SRBD1: variants seen among roughly 807,000 people sequenced by gnomAD.
The protein encoded by SRBD1 is S1 RNA-binding domain-containing protein 1.
SRBD1 carries 88 observed loss-of-function variants against 115.3 expected under a neutral mutation model. That is an observed-to-expected ratio of 0.76 (90% CI 0.64 to 0.91). The LOEUF (loss-of-function observed/expected upper bound fraction) is 0.91, where lower values mean the gene tolerates loss of function less well. Ranked by LOEUF, SRBD1 falls within the 40% of genes least tolerant of loss-of-function variation. The probability of loss-of-function intolerance (pLI) is 0.00; values close to 1 mark genes in which losing one functional copy is unlikely to be tolerated. For synonymous variants in SRBD1, 509 were observed against 407.7 expected (o/e 1.25, Z -2.99); for missense variants, 1,385 against 1,177.4 (o/e 1.18, Z -2.58).
chr2:45,519,172 C>A (rs1027060634), intron 14 of SRBD1, among the ~76,000 whole-genome samples: 4 of 151,964 alleles, frequency 2.6e-5, no homozygotes, highest in African/African-American at 9.7e-5. Context: ...AAGGAGGGCA[C>A]TAAAAAAGAA....
chr2:45,537,704 C>T (rs1671807733), intron 14 of SRBD1, among the ~76,000 whole-genome samples: 1 of 152,140 alleles, frequency 6.6e-6, no homozygotes, highest in Non-Finnish European at 1.5e-5. Flanking sequence ...ATTTTTCCTG[C>T]TCTCTCAACA....
chr2:45,599,366 T>C, intron 4 of SRBD1, 83 bp downstream of exon 4: 1 of 1,493,724 alleles, frequency 6.7e-7, no homozygotes, highest in Non-Finnish European at 8.9e-7. Context: ...CCCCCAGCCC[T>C]TCCCTTAGAC....
At chr2:45,475,153 T>G (rs972523059) in intron 16 of SRBD1, among the ~76,000 whole-genome samples, 4 of 152,184 alleles carry the variant, frequency 2.6e-5, no homozygotes, top group Non-Finnish European at 5.9e-5. Flanking sequence ...CCACCAAACC[T>G]GCTCTACTCA....
chr2:45,489,865 T>C (rs987652669), intron 14 of SRBD1, among the ~76,000 whole-genome samples: 1 of 152,134 alleles, frequency 6.6e-6, no homozygotes, highest in Non-Finnish European at 1.5e-5. Context: ...ACTCATATTT[T>C]TGTGCCAAAC....
At chr2:45,549,992 A>C (rs1044445317) in intron 12 of SRBD1, among the ~76,000 whole-genome samples, 1 of 152,158 alleles carries the variant, frequency 6.6e-6, no homozygotes, top group East Asian at 1.9e-4. Context: ...TCTAAACTTA[A>C]AAAATTAAAA....
intron 19 of SRBD1, among the ~76,000 whole-genome samples, chr2:45,393,886 C>T (rs1444644342): frequency 2.0e-5 from 3 of 152,134 alleles, no homozygotes; most frequent in Non-Finnish European, 4.4e-5. Flanking sequence ...TTCATGTGTC[C>T]TATCACTGCT....
chr2:45,566,649 T>C (rs1349434171), intron 9 of SRBD1, among the ~76,000 whole-genome samples: 1 of 152,170 alleles, frequency 6.6e-6, no homozygotes, highest in Non-Finnish European at 1.5e-5. Flanking sequence ...GTTCTAATGG[T>C]TGCATTAAAT....
At chr2:45,481,601 A>G (rs1025463577) in intron 15 of SRBD1, among the ~76,000 whole-genome samples, 7 of 152,126 alleles carry the variant, frequency 4.6e-5, no homozygotes, top group Non-Finnish European at 8.8e-5. Flanking sequence ...ATGTGCCCCA[A>G]TTTTTATTCT....
At chr2:45,602,188 TA>T in intron 2 of SRBD1, 105 bp from the exon 3 acceptor site, 1 of 1,304,450 alleles carries the variant, frequency 7.7e-7, no homozygotes, top group Non-Finnish European at 1.0e-6. Flanking sequence ...AGGAGGTGTT[TA>T]ATATAAAATG....
intron 14 of SRBD1, among the ~76,000 whole-genome samples, chr2:45,541,953 A>T (rs1032715640): frequency 6.6e-6 from 1 of 152,224 alleles, no homozygotes; most frequent in Non-Finnish European, 1.5e-5. Flanking sequence ...CTCCACCCAG[A>T]ACTGGCAACC....
chr2:45,450,856 G>A (rs1668970797), intron 16 of SRBD1, among the ~76,000 whole-genome samples: 1 of 152,066 alleles, frequency 6.6e-6, no homozygotes, highest in Admixed American at 6.5e-5. Context: ...AATTCTACAA[G>A]TTAACAGCTT....
chr2:45,415,885 T>A (rs887498479), intron 18 of SRBD1, among the ~76,000 whole-genome samples: 1 of 150,558 alleles, frequency 6.6e-6, no homozygotes, highest in Admixed American at 6.7e-5. Context: ...AGAGAAAGAT[T>A]GGGAAGGATC....
chr2:45,417,483 A>T (rs917098028), intron 18 of SRBD1, among the ~76,000 whole-genome samples: 1 of 152,196 alleles, frequency 6.6e-6, no homozygotes, highest in South Asian at 2.1e-4. Context: ...CCACAGCTTT[A>T]TAATGTATTC....
chr2:45,573,353 A>G lies in SRBD1; in HGVS notation c.1170-11T>C, dbSNP rs200901809. On this transcript the variant is annotated splice_polypyrimidine_tract_variant and intron_variant, in intron 8 of 20. Coordinates refer to ENST00000263736, the MANE Select transcript of SRBD1 (RefSeq NM_018079.5). Reference sequence around the variant, plus strand: ...TGTCTCTTCTGGCACCTGTTCAGATACACAAGTGTTCAAAAAACAAGCAGT... The same window carrying G: ...TGTCTCTTCTGGCACCTGTTCAGATGCACAAGTGTTCAAAAAACAAGCAGT... 2 of 1,597,614 alleles carry G rather than the reference A, an allele frequency of 1.3e-6. No homozygotes were observed. The highest frequency in any genetic ancestry group is 2.7e-5 in the African/African-American group (2 of 74,036).
Position 45,531,538 on chromosome 2 carries a change from C to T in SRBD1, c.1874+15194G>A, listed in dbSNP as rs184932566. ...TTCCACTATTCAGATTAAGAAAGTT[C>T]TACAGTAAAGACGATAGGAATAGAT... On this transcript the variant is annotated intron_variant, in intron 14 of 20. Transcript: ENST00000263736. Among the ~76,000 whole-genome samples, 8 of 148,774 alleles carry T rather than the reference C, an allele frequency of 5.4e-5. No homozygotes were observed. The East Asian group carries it at 1.5e-3, about 29-fold the overall frequency.
chr2:45,445,418 G>T (rs1006186233), intron 16 of SRBD1, among the ~76,000 whole-genome samples: 2 of 151,284 alleles, frequency 1.3e-5, no homozygotes, highest in East Asian at 1.9e-4. Flanking sequence ...ATCTTGGGGG[G>T]AGTCACATGG....
chr2:45,546,280 A>G, intron 14 of SRBD1: 1 of 985,450 alleles, frequency 1.0e-6, no homozygotes, highest in Non-Finnish European at 1.2e-6. Context: ...AAATGAGGAA[A>G]GAATACTGGA....
At chr2:45,422,868 T>C (rs1668047774) in intron 16 of SRBD1, among the ~76,000 whole-genome samples, 1 of 152,166 alleles carries the variant, frequency 6.6e-6, no homozygotes, top group Admixed American at 6.5e-5. Context: ...TGATTTAGTA[T>C]AAGCAGTCCT....
chr2:45,578,216 G>C lies in SRBD1; in HGVS notation c.1072+1659C>G, dbSNP rs142565135. Among the ~76,000 whole-genome samples, 944 of 152,280 alleles carry C rather than the reference G, an allele frequency of 6.2e-3. 8 individuals are homozygous for C. The highest frequency in any genetic ancestry group is 0.019 in the African/African-American group (809 of 41,558). ...CCTTTGTGCATCTAACATTCTGAAAGTTTCAACATTCCATTTTAATAAAAC... is the reference window on the plus strand; with the variant it reads ...CCTTTGTGCATCTAACATTCTGAAACTTTCAACATTCCATTTTAATAAAAC... On this transcript the variant is annotated intron_variant, in intron 7 of 20. Transcript: ENST00000263736.
Sources: gnomAD v4.1 joint callset for allele counts (sites outside exome capture counted in the v4.1 genomes callset) on GRCh38, gnomAD v4.1.1 for gene constraint, MANE v1.5 for transcripts, NCBI Gene and HGNC (gene_info 2026-07-23, HGNC 2026-07-21) for gene names.